Variants in CNTN3 observed in about 807,000 individuals in gnomAD.
CNTN3 encodes contactin 3.
A neutral mutation model predicts 119.1 loss-of-function variants in CNTN3; 60 were observed. The ratio of observed to expected loss-of-function variants is 0.50; its 90% confidence interval spans 0.41 to 0.62. CNTN3 has a LOEUF of 0.62. CNTN3 is among the 20% of genes least tolerant of loss of function. CNTN3 has a pLI of 0.00. For synonymous variants in CNTN3, 450 were observed against 438.7 expected (o/e 1.03, Z -0.32); for missense variants, 1,101 against 1,242.4 (o/e 0.89, Z 1.71).
At chr3:74,304,920 T>A (rs910242824) in intron 13 of CNTN3, among the ~76,000 whole-genome samples, 3 of 152,172 alleles carry the variant, frequency 2.0e-5, no homozygotes, top group Admixed American at 1.3e-4. Context: ...CCTCTCCTTA[T>A]TTTTTGTCTC....
At chr3:74,456,743 T>TA (rs765115868) in intron 4 of CNTN3, among the ~76,000 whole-genome samples, 2 of 152,058 alleles carry the variant, frequency 1.3e-5, no homozygotes, top group East Asian at 1.9e-4. Flanking sequence ...ATATTTTCAA[T>TA]AAAAAATTGC....
In CNTN3 at chr3:74,526,144, C is replaced by T. The variant is rs148156104; in HGVS notation, c.-80-4952G>A. On this transcript the variant is annotated intron_variant, in intron 1 of 22. Transcript: ENST00000263665. The stretch of plus-strand genomic sequence containing the variant: ...AATACACCACCCTCTCTTGCATCTA[C>T]AAAAAGTCATCTCCAATTTCGATAC... Among the ~76,000 whole-genome samples the T allele has an allele frequency of 4.1e-3, 622 of 151,744 alleles. 2 individuals carry two copies. The highest frequency in any genetic ancestry group is 0.014 in the African/African-American group (560 of 41,468).
intron 1 of CNTN3, among the ~76,000 whole-genome samples, chr3:74,549,942 A>G (rs1046197490): frequency 6.6e-6 from 1 of 152,220 alleles, no homozygotes; most frequent in Non-Finnish European, 1.5e-5. Context: ...TTTGAAAAAC[A>G]GCTCCTAGAG....
intron 3 of CNTN3, among the ~76,000 whole-genome samples, chr3:74,494,108 T>C (rs1703015438): frequency 6.6e-6 from 1 of 152,106 alleles, no homozygotes; most frequent in South Asian, 2.1e-4. Flanking sequence ...CCATCTTAGC[T>C]TTTCCTGGTA....
chr3:74,271,807 C>G (rs1192995263), intron 20 of CNTN3, among the ~76,000 whole-genome samples: 2 of 151,952 alleles, frequency 1.3e-5, no homozygotes, highest in East Asian at 3.9e-4. Flanking sequence ...CAATTATGCA[C>G]CCCCCCAATA....
intron 1 of CNTN3, among the ~76,000 whole-genome samples, chr3:74,553,397 C>T (rs1157273319): frequency 6.6e-6 from 1 of 152,150 alleles, no homozygotes; most frequent in Non-Finnish European, 1.5e-5. Context: ...AATAAACATA[C>T]GTGTGCATGT....
intron 1 of CNTN3, among the ~76,000 whole-genome samples, chr3:74,572,081 T>TG (rs1287668490): frequency 6.6e-6 from 1 of 151,000 alleles, no homozygotes; most frequent in South Asian, 2.1e-4. Flanking sequence ...AGAAAATACT[T>TG]TATCATTTTT....
chr3:74,567,982 G>T (rs1704253163), intron 1 of CNTN3, among the ~76,000 whole-genome samples: 1 of 152,048 alleles, frequency 6.6e-6, no homozygotes, highest in African/African-American at 2.4e-5. Context: ...ACTAATTGAG[G>T]CCCTCTGGGT....
At chr3:74,381,361 T>C (rs765416682) in intron 5 of CNTN3, among the ~76,000 whole-genome samples, 1 of 152,116 alleles carries the variant, frequency 6.6e-6, no homozygotes, top group Non-Finnish European at 1.5e-5. Flanking sequence ...GGATATGCAA[T>C]TATGTCTGGA....
intron 5 of CNTN3, among the ~76,000 whole-genome samples, chr3:74,406,235 A>AAAATAAAATAAC (rs1705320298): frequency 6.6e-6 from 1 of 152,172 alleles, no homozygotes; most frequent in Non-Finnish European, 1.5e-5. Context: ...ATCAGAAGAT[A>AAAATAAAATAAC]TTATTTTAAA....
At chr3:74,283,037 A>C (rs1266730661) in intron 20 of CNTN3, among the ~76,000 whole-genome samples, 2 of 152,170 alleles carry the variant, frequency 1.3e-5, no homozygotes, top group South Asian at 4.1e-4. Flanking sequence ...ATCAAACTAA[A>C]GCTCCATGAG....
At chr3:74,545,637 C>A (rs1207021522) in intron 1 of CNTN3, among the ~76,000 whole-genome samples, 2 of 152,152 alleles carry the variant, frequency 1.3e-5, no homozygotes, top group African/African-American at 4.8e-5. Flanking sequence ...GGAACAAGTT[C>A]TTGATCTTGC....
intron 3 of CNTN3, among the ~76,000 whole-genome samples, chr3:74,497,796 G>A (rs1486858484): frequency 6.6e-6 from 1 of 151,654 alleles, no homozygotes; most frequent in African/African-American, 2.4e-5. Context: ...GACATCCCAG[G>A]ACGTATAATA....
intron 4 of CNTN3, among the ~76,000 whole-genome samples, chr3:74,429,882 T>C (rs1701754573): frequency 6.6e-6 from 1 of 152,142 alleles, no homozygotes; most frequent in East Asian, 1.9e-4. Context: ...CCTGAAAAGA[T>C]GTTCAACATC....
At chr3:74,597,131 T>G (rs1704826976) in intron 1 of CNTN3, among the ~76,000 whole-genome samples, 1 of 152,098 alleles carries the variant, frequency 6.6e-6, no homozygotes. Context: ...TTCACAGGTC[T>G]GACATTTAAA....
chr3:74,270,362 G>A (rs376912288), intron 20 of CNTN3, among the ~76,000 whole-genome samples: 53 of 152,194 alleles, frequency 3.5e-4, no homozygotes, highest in African/African-American at 1.2e-3. Flanking sequence ...TCTTTGCCAT[G>A]AGATTGCCAA....
At chr3:74,586,431 C>T (rs1704593954) in intron 1 of CNTN3, among the ~76,000 whole-genome samples, 1 of 152,086 alleles carries the variant, frequency 6.6e-6, no homozygotes, top group South Asian at 2.1e-4. Context: ...TGTCTTTTAA[C>T]CTGCAATACT....
chr3:74,356,789 T>C lies in CNTN3; in HGVS notation c.1364+5101A>G, dbSNP rs191327056. Among the ~76,000 whole-genome samples the C allele has an allele frequency of 1.4e-3, 208 of 152,186 alleles. 3 individuals carry two copies. The highest frequency in any genetic ancestry group is 4.8e-3 in the African/African-American group (198 of 41,482). ...GCTCTCCATACTTGAAAGAAACAACTCTCATTTCTTCAAAGTGATTCTATA... is the reference window on the plus strand; with the variant it reads ...GCTCTCCATACTTGAAAGAAACAACCCTCATTTCTTCAAAGTGATTCTATA... On this transcript the variant is annotated intron_variant, in intron 11 of 22. Coordinates refer to ENST00000263665, the MANE Select transcript of CNTN3 (RefSeq NM_020872.3).
chr3:74,447,992 A>G (rs1198387533), intron 4 of CNTN3, among the ~76,000 whole-genome samples: 1 of 152,152 alleles, frequency 6.6e-6, no homozygotes, highest in Non-Finnish European at 1.5e-5. Context: ...CCGTTGCCTG[A>G]TGTCATTTTA....
Sources: gnomAD v4.1 joint callset for allele counts (sites outside exome capture counted in the v4.1 genomes callset) on GRCh38, gnomAD v4.1.1 for gene constraint, MANE v1.5 for transcripts, NCBI Gene and HGNC (gene_info 2026-07-23, HGNC 2026-07-21) for gene names.